ARID4B: variants seen among roughly 807,000 people sequenced by gnomAD.
ARID4B encodes AT-rich interaction domain 4B.
Under a neutral mutation model 147.5 loss-of-function variants are expected in ARID4B, and 26 were observed. The ratio of observed to expected loss-of-function variants is 0.18; its 90% CI spans 0.13 to 0.24. The LOEUF (loss-of-function observed/expected upper bound fraction) is 0.24. ARID4B is among the 10% of genes least tolerant of loss of function. The pLI is 1.00. For missense variants in ARID4B, 1,179 were observed against 1,511.5 expected (o/e 0.78, Z 3.65); for synonymous variants, 512 against 507.9 (o/e 1.01, Z -0.11).
chr1:235,188,344 G>T (rs1395334344), intron 19 of ARID4B, among the ~76,000 whole-genome samples: 1 of 152,112 alleles, frequency 6.6e-6, no homozygotes, highest in African/African-American at 2.4e-5. Flanking sequence ...AACCAACCCA[G>T]TTTACCATAG....
At chr1:235,261,067 A>G (rs1670263121) in intron 2 of ARID4B, among the ~76,000 whole-genome samples, 1 of 152,128 alleles carries the variant, frequency 6.6e-6, no homozygotes, top group Non-Finnish European at 1.5e-5. Flanking sequence ...TATTTATTCT[A>G]TGACCACTTA....
chr1:235,289,420 T>C (rs1196387546), intron 2 of ARID4B, among the ~76,000 whole-genome samples: 1 of 151,998 alleles, frequency 6.6e-6, no homozygotes, highest in Non-Finnish European at 1.5e-5. Flanking sequence ...AAATCAGTAA[T>C]TTTTTTTAGA....
chr1:235,192,012 C>G (rs1571936157), intron 19 of ARID4B, among the ~76,000 whole-genome samples: 1 of 151,980 alleles, frequency 6.6e-6, no homozygotes, highest in Non-Finnish European at 1.5e-5. Flanking sequence ...CAGGAGGTCA[C>G]TTGAGTCGTG....
intron 2 of ARID4B, among the ~76,000 whole-genome samples, chr1:235,303,016 C>T (rs1238550040): frequency 3.9e-5 from 6 of 152,034 alleles, no homozygotes; most frequent in Admixed American, 6.5e-5. Flanking sequence ...CTCCGCCTCC[C>T]GGGTTCACGC....
chr1:235,301,719 C>CT (rs367914492), intron 2 of ARID4B, among the ~76,000 whole-genome samples: 19,164 of 144,924 alleles, frequency 0.13, 1,462 homozygotes, highest in African/African-American at 0.2. Flanking sequence ...CTAACTAATT[C>CT]TTTTTTTTTT....
chr1:235,213,617 G>T, intron 17 of ARID4B, 152 bp downstream of exon 17: 1 of 763,146 alleles, frequency 1.3e-6, no homozygotes, highest in Non-Finnish European at 2.0e-6. Context: ...GTCACTAAGT[G>T]AGGTATTTAC....
intron 17 of ARID4B, among the ~76,000 whole-genome samples, chr1:235,208,993 G>GT (rs1454369027): frequency 3.3e-5 from 5 of 152,094 alleles, no homozygotes; most frequent in Non-Finnish European, 7.4e-5. Context: ...GAAAAATTCT[G>GT]TAAGAGTATT....
At chr1:235,286,180 A>G (rs1402820701) in intron 2 of ARID4B, among the ~76,000 whole-genome samples, 1 of 152,112 alleles carries the variant, frequency 6.6e-6, no homozygotes, top group African/African-American at 2.4e-5. Flanking sequence ...AACTACAGGC[A>G]TGTACCACAA....
At chr1:235,309,451 C>T (rs1430475684) in intron 2 of ARID4B, among the ~76,000 whole-genome samples, 5 of 148,242 alleles carry the variant, frequency 3.4e-5, no homozygotes, top group African/African-American at 5.0e-5. Context: ...CCCGGCCAGC[C>T]GCCCCATCCG....
intron 2 of ARID4B, among the ~76,000 whole-genome samples, chr1:235,320,368 T>A (rs182930192): frequency 2.6e-5 from 4 of 151,938 alleles, no homozygotes; most frequent in Non-Finnish European, 5.9e-5. Context: ...TAAGTAGAAT[T>A]TTCCCTTCAC....
At chr1:235,299,713 T>TG (rs1572187044) in intron 2 of ARID4B, among the ~76,000 whole-genome samples, 1 of 152,204 alleles carries the variant, frequency 6.6e-6, no homozygotes, top group Non-Finnish European at 1.5e-5. Context: ...AAAAGAACTC[T>TG]GGATTATGAG....
chr1:235,297,944 C>A (rs1234753837), intron 2 of ARID4B, among the ~76,000 whole-genome samples: 1 of 152,152 alleles, frequency 6.6e-6, no homozygotes, highest in Non-Finnish European at 1.5e-5. Context: ...TGTAAACGAA[C>A]AAATTGCAAA....
chr1:235,181,464 C>T (rs1176191052), intron 20 of ARID4B, 121 bp downstream of exon 20: 3 of 1,317,476 alleles, frequency 2.3e-6, no homozygotes, highest in Non-Finnish European at 3.1e-6. Flanking sequence ...TCCATTTTTA[C>T]CATGTTCACA....
At chr1:235,299,667 C>G (rs1307784392) in intron 2 of ARID4B, among the ~76,000 whole-genome samples, 2 of 152,196 alleles carry the variant, frequency 1.3e-5, no homozygotes, top group Non-Finnish European at 2.9e-5. Context: ...GATCTGAATC[C>G]TGGCACTGGT....
In ARID4B at chr1:235,168,735, A is replaced by C; in HGVS notation, c.3812-83T>G. The C allele has an allele frequency of 2.1e-6, 3 of 1,419,810 alleles. No individual in the cohort carries two copies. The South Asian group carries it at 4.1e-5, about 19-fold the overall frequency. The allele number at this position is 1,419,810 out of a possible 1,614,324, so 88.0% of individuals were successfully genotyped here. On this transcript the variant is annotated intron_variant, in intron 23 of 23. Transcript: ENST00000264183. ...CAGAAAATACTAGTCCTCTGAACTA[A>C]AATTCCGCTATATTGTCCAAAATCA...
intron 2 of ARID4B, among the ~76,000 whole-genome samples, chr1:235,271,547 T>C (rs570740862): frequency 6.6e-6 from 1 of 151,256 alleles, no homozygotes; most frequent in South Asian, 2.1e-4. Flanking sequence ...GGAGTATCAC[T>C]TGGACTCGGG....
At chr1:235,261,423 C>A (rs541331254) in intron 2 of ARID4B, among the ~76,000 whole-genome samples, 61 of 152,258 alleles carry the variant, frequency 4.0e-4, no homozygotes, top group African/African-American at 1.4e-3. Context: ...ACTTGGGAGA[C>A]TGAAGTGGGA....
At chr1:235,193,803 C>CAAAT in intron 19 of ARID4B, among the ~76,000 whole-genome samples, 1 of 152,048 alleles carries the variant, frequency 6.6e-6, no homozygotes, top group East Asian at 1.9e-4. Context: ...TTGTGGAATG[C>CAAAT]AAATATTCCA....
chr1:235,252,693 A>C, intron 6 of ARID4B, 37 bp downstream of exon 6: 1 of 1,577,704 alleles, frequency 6.3e-7, no homozygotes, highest in Non-Finnish European at 8.6e-7. Flanking sequence ...CCAATAAAAA[A>C]TATTAAGACA....
Sources: allele counts gnomAD v4.1 joint callset (sites outside exome capture counted in the v4.1 genomes callset), GRCh38; gene constraint gnomAD v4.1.1; transcripts MANE v1.5; gene names NCBI Gene and HGNC (gene_info 2026-07-23, HGNC 2026-07-21).